FAF1: variants seen among roughly 807,000 people sequenced by gnomAD.
FAF1 encodes the protein FAS-associated factor 1.
In FAF1, 25 loss-of-function variants were observed where a neutral mutation model predicts 92.5. That is an observed-to-expected ratio of 0.27 (90% CI 0.20 to 0.38). FAF1 has a LOEUF of 0.38. FAF1 is among the 10% of genes least tolerant of loss of function. The pLI, the probability that FAF1 is intolerant of heterozygous loss-of-function variation, is 1.00. For synonymous variants in FAF1, 234 were observed against 273.2 expected (o/e 0.86, Z 1.42); for missense variants, 636 against 793.3 (o/e 0.80, Z 2.38).
chr1:50,854,925 G>T (rs940597953), intron 2 of FAF1, among the ~76,000 whole-genome samples: 1 of 151,576 alleles, frequency 6.6e-6, no homozygotes, highest in Non-Finnish European at 1.5e-5. Context: ...GAACATTTTG[G>T]ATGATGTTTG....
At chr1:50,913,730 G>C (rs1416618760) in intron 1 of FAF1, among the ~76,000 whole-genome samples, 2 of 152,114 alleles carry the variant, frequency 1.3e-5, no homozygotes, top group Non-Finnish European at 2.9e-5. Context: ...CTTTCCAAAA[G>C]ACTAAAGATA....
At chr1:50,643,237 T>C (rs1444300255) in intron 8 of FAF1, among the ~76,000 whole-genome samples, 1 of 152,204 alleles carries the variant, frequency 6.6e-6, no homozygotes, top group Non-Finnish European at 1.5e-5. Context: ...CTGTAAGGTT[T>C]ACAACATGCA....
At chr1:50,937,258 T>C (rs1158494464) in intron 1 of FAF1, among the ~76,000 whole-genome samples, 3 of 152,112 alleles carry the variant, frequency 2.0e-5, no homozygotes, top group Non-Finnish European at 4.4e-5. Flanking sequence ...TTTTGGAATA[T>C]TGTATTGACT....
In FAF1 at chr1:50,857,277, G is replaced by C. The variant is rs1464223499; in HGVS notation, c.114+652C>G. ...GTACACATCTTAAGTTTTGACTTTT[G>C]AAAATTAGCACTTCTTCAAAATTAT... is the stretch of plus-strand genomic sequence containing the variant. On this transcript the variant is annotated intron_variant, in intron 2 of 18. Coordinates refer to ENST00000396153, the MANE Select transcript of FAF1 (RefSeq NM_007051.3). Among the ~76,000 whole-genome samples, 5 of 151,292 alleles carry C rather than the reference G, an allele frequency of 3.3e-5. No homozygotes were observed. The East Asian group carries it at 9.7e-4, about 29-fold the overall frequency.
chr1:50,681,095 G>T (rs1285395736), intron 7 of FAF1, among the ~76,000 whole-genome samples: 2 of 152,116 alleles, frequency 1.3e-5, no homozygotes, highest in Non-Finnish European at 2.9e-5. Flanking sequence ...CACTCAGGCT[G>T]GAGTGCAGTG....
chr1:50,898,422 C>T (rs1026835399), intron 1 of FAF1, among the ~76,000 whole-genome samples: 4 of 152,114 alleles, frequency 2.6e-5, no homozygotes, highest in African/African-American at 4.8e-5. Flanking sequence ...TAAATATTTA[C>T]GTATATTTGA....
At chr1:50,950,659 C>T (rs1036074051) in intron 1 of FAF1, among the ~76,000 whole-genome samples, 1 of 152,212 alleles carries the variant, frequency 6.6e-6, no homozygotes, top group Non-Finnish European at 1.5e-5. Context: ...TCATACTCAG[C>T]TAATCTAGAG....
intron 7 of FAF1, among the ~76,000 whole-genome samples, chr1:50,693,753 G>A (rs1657044324): frequency 1.3e-5 from 2 of 151,826 alleles, no homozygotes; most frequent in Admixed American, 6.6e-5. Flanking sequence ...ACATTTCACA[G>A]CAACATATTT....
chr1:50,852,675 T>A (rs796881592), intron 2 of FAF1, among the ~76,000 whole-genome samples: 1 of 152,166 alleles, frequency 6.6e-6, no homozygotes, highest in African/African-American at 2.4e-5. Flanking sequence ...TTCAAAACTT[T>A]ACCCCTTAAC....
intron 8 of FAF1, among the ~76,000 whole-genome samples, chr1:50,635,298 A>G (rs891488936): frequency 5.3e-5 from 8 of 152,226 alleles, no homozygotes; most frequent in Non-Finnish European, 1.0e-4. Context: ...AAACCTTCAC[A>G]TTCAGTTTAA....
intron 13 of FAF1, among the ~76,000 whole-genome samples, chr1:50,559,610 G>A (rs942586886): frequency 1.3e-5 from 2 of 152,198 alleles, no homozygotes; most frequent in Admixed American, 6.5e-5. Flanking sequence ...CTGGCAGAAC[G>A]CAAACCTTGA....
chr1:50,664,748 C>T (rs779651981), intron 7 of FAF1, among the ~76,000 whole-genome samples: 2 of 152,206 alleles, frequency 1.3e-5, no homozygotes, highest in African/African-American at 2.4e-5. Context: ...GAGTCGAGAT[C>T]GCGCTACTGC....
chr1:50,679,274 T>C (rs1383304496), intron 7 of FAF1, among the ~76,000 whole-genome samples: 4 of 151,404 alleles, frequency 2.6e-5, no homozygotes, highest in East Asian at 1.9e-4. Context: ...GCTCTGCCTA[T>C]GGAGTAACCA....
At chr1:50,769,462 G>C (rs1660701710) in intron 4 of FAF1, among the ~76,000 whole-genome samples, 1 of 152,102 alleles carries the variant, frequency 6.6e-6, no homozygotes, top group Admixed American at 6.5e-5. Context: ...GCATCATCCT[G>C]ACACCAAAAC....
At chr1:50,958,029 C>T (rs1439634305) in intron 1 of FAF1, among the ~76,000 whole-genome samples, 2 of 152,122 alleles carry the variant, frequency 1.3e-5, no homozygotes, top group African/African-American at 4.8e-5. Flanking sequence ...GGTGTTGGAG[C>T]TTACACCTGT....
chr1:50,484,961 G>C (rs553220681), intron 17 of FAF1, among the ~76,000 whole-genome samples: 5 of 125,876 alleles, frequency 4.0e-5, no homozygotes, highest in African/African-American at 5.9e-5. Flanking sequence ...GTCGTGGGGT[G>C]GGGGGAGGGA....
At chr1:50,930,964 TATTA>T (rs941491495) in intron 1 of FAF1, among the ~76,000 whole-genome samples, 3 of 149,836 alleles carry the variant, frequency 2.0e-5, no homozygotes, top group Non-Finnish European at 3.0e-5. Flanking sequence ...AGTCTAACAT[TATTA>T]ATTAATTACA....
intron 1 of FAF1, among the ~76,000 whole-genome samples, chr1:50,899,499 ACT>A (rs1280683172): frequency 6.6e-6 from 1 of 152,060 alleles, no homozygotes; most frequent in African/African-American, 2.4e-5. Flanking sequence ...ACAGAGTCTC[ACT>A]CTGTCACCCA....
chr1:50,450,030 A>G (rs1203645782), intron 18 of FAF1, among the ~76,000 whole-genome samples: 1 of 151,626 alleles, frequency 6.6e-6, no homozygotes, highest in Non-Finnish European at 1.5e-5. Flanking sequence ...TACTGTCTTT[A>G]CTAAAAATAC....
Sources: gnomAD v4.1 joint callset for allele counts (sites outside exome capture counted in the v4.1 genomes callset) on GRCh38, gnomAD v4.1.1 for gene constraint, MANE v1.5 for transcripts, NCBI Gene and HGNC (gene_info 2026-07-23, HGNC 2026-07-21) for gene names.